The following CFAP299 variants were observed in gnomAD, a reference collection of about 807,000 sequenced individuals.
The protein encoded by CFAP299 is cilia and flagella associated protein 299.
Under a neutral mutation model 27.0 loss-of-function variants are expected in CFAP299, and 21 were observed. That is an observed-to-expected ratio of 0.78 (90% CI 0.55 to 1.12). CFAP299 has a LOEUF of 1.12. CFAP299 is among the 50% of genes most tolerant of loss of function. CFAP299 has a pLI of 0.00. For synonymous variants in CFAP299, 104 were observed against 98.1 expected, an observed-to-expected ratio of 1.06 and a Z score of -0.36; for missense variants, 310 against 276.6, an observed-to-expected ratio of 1.12 and a Z score of -0.86.
chr4:80,869,565 G>A (rs1214486758), intron 3 of CFAP299, among the ~76,000 whole-genome samples: 2 of 152,176 alleles, frequency 1.3e-5, no homozygotes, highest in African/African-American at 2.4e-5. Flanking sequence ...CCAGGCTGGA[G>A]TGCAGTGGCA....
chr4:80,336,713 A>G (rs1243499023), intron 1 of CFAP299: 1 of 152,216 alleles, frequency 6.6e-6, no homozygotes, highest in East Asian at 1.9e-4. Context: ...TTCCTAGCCA[A>G]ACTTCCCGGA....
intron 3 of CFAP299, among the ~76,000 whole-genome samples, chr4:80,793,729 T>C (rs978867648): frequency 6.6e-6 from 1 of 152,138 alleles, no homozygotes; most frequent in African/African-American, 2.4e-5. Flanking sequence ...TCACAGGATA[T>C]GGGAAAAGGG....
chr4:80,608,395 T>C (rs1411009676), intron 3 of CFAP299: 2 of 1,512,028 alleles, frequency 1.3e-6, no homozygotes, highest in South Asian at 2.4e-5. Context: ...TAAGTACTGC[T>C]TATGGAAAAG....
At chr4:80,333,119 C>T (rs1722001029), upstream of CFAP299, among the ~76,000 whole-genome samples, 1 of 152,138 alleles carries the variant, frequency 6.6e-6, no homozygotes, top group East Asian at 1.9e-4. Flanking sequence ...CTGTCAATGA[C>T]AAGGCAGGAG....
At chr4:80,644,218 G>T (rs188791768) in intron 3 of CFAP299, among the ~76,000 whole-genome samples, 1 of 152,082 alleles carries the variant, frequency 6.6e-6, no homozygotes, top group Admixed American at 6.6e-5. Flanking sequence ...TGCTTTGTGT[G>T]TGTTTTTGTA....
At chr4:80,755,163 T>C (rs1250985114) in intron 3 of CFAP299, among the ~76,000 whole-genome samples, 1 of 152,084 alleles carries the variant, frequency 6.6e-6, no homozygotes, top group Non-Finnish European at 1.5e-5. Context: ...TTCCCTATTA[T>C]TTTTGTCTGA....
intron 3 of CFAP299, among the ~76,000 whole-genome samples, chr4:80,694,309 A>T (rs1236562131): frequency 6.6e-6 from 1 of 152,230 alleles, no homozygotes; most frequent in Non-Finnish European, 1.5e-5. Context: ...TCTAAAGAAA[A>T]GCAAAAGCTC....
intron 2 of CFAP299, among the ~76,000 whole-genome samples, chr4:80,429,953 T>G (rs553151306): frequency 6.6e-6 from 1 of 150,806 alleles, no homozygotes; most frequent in South Asian, 2.1e-4. Flanking sequence ...TATTTCCAAG[T>G]TTTTTTTTAT....
rs1176795464 is a variant in CFAP299 at position 80,506,414 on chromosome 4, A to G, written c.243-76679A>G. On this transcript the variant is annotated intron_variant, in intron 2 of 5. Coordinates refer to ENST00000358105, the MANE Select transcript of CFAP299 (RefSeq NM_152770.3). ...TTGAGATAGTGCATTTGTCAGGGGG[A>G]ATCTAATTGAAGTTAGACTAGCTAC... is the stretch of plus-strand genomic sequence containing the variant. Among the ~76,000 whole-genome samples the G allele has an allele frequency of 2.0e-5, 3 of 152,076 alleles. No homozygotes were observed. In the East Asian group the frequency reaches 5.8e-4, roughly 29 times the overall value.
At chr4:80,445,237 C>A (rs1306384447) in intron 2 of CFAP299, among the ~76,000 whole-genome samples, 1 of 152,156 alleles carries the variant, frequency 6.6e-6, no homozygotes, top group Non-Finnish European at 1.5e-5. Flanking sequence ...ATGTTTATTG[C>A]AGCGCTGTTT....
intron 2 of CFAP299, among the ~76,000 whole-genome samples, chr4:80,461,194 G>A (rs977979417): frequency 2.6e-5 from 4 of 152,036 alleles, no homozygotes; most frequent in East Asian, 1.9e-4. Flanking sequence ...GGTAGCAGGC[G>A]TTAGAGCTCT....
chr4:80,787,150 G>A (rs375860304), intron 3 of CFAP299, among the ~76,000 whole-genome samples: 7 of 150,492 alleles, frequency 4.7e-5, no homozygotes, highest in African/African-American at 1.5e-4. Context: ...ACTCTCAAAA[G>A]TAGCTTAGAT....
At chr4:80,628,119 A>C (rs912073572) in intron 3 of CFAP299, among the ~76,000 whole-genome samples, 3 of 152,160 alleles carry the variant, frequency 2.0e-5, no homozygotes, top group African/African-American at 7.2e-5. Context: ...ACAGCATGGT[A>C]CTGGCATAAA....
intron 2 of CFAP299, among the ~76,000 whole-genome samples, chr4:80,388,946 G>A (rs904368300): frequency 2.6e-5 from 4 of 151,252 alleles, no homozygotes; most frequent in Non-Finnish European, 5.9e-5. Context: ...TTATTTTAAA[G>A]GGATAATGTC....
chr4:80,873,078 T>G, intron 4 of CFAP299: 2 of 880,120 alleles, frequency 2.3e-6, no homozygotes, highest in Non-Finnish European at 2.7e-6. Flanking sequence ...TTATAGGATA[T>G]TATAGTTTTG....
chr4:80,395,531 A>G (rs1053759200), intron 2 of CFAP299, among the ~76,000 whole-genome samples: 1 of 152,096 alleles, frequency 6.6e-6, no homozygotes, highest in African/African-American at 2.4e-5. Flanking sequence ...GCTGTATTTG[A>G]GGTACATTTC....
At chr4:80,474,375 A>G (rs1489109105) in intron 2 of CFAP299, among the ~76,000 whole-genome samples, 74 of 152,336 alleles carry the variant, frequency 4.9e-4, no homozygotes. Context: ...TGAACATTTA[A>G]AGGTAAGTAA....
chr4:80,736,158 T>C (rs1409019682), intron 3 of CFAP299, among the ~76,000 whole-genome samples: 2 of 152,186 alleles, frequency 1.3e-5, no homozygotes, highest in African/African-American at 2.4e-5. Flanking sequence ...TCCTTGCCCA[T>C]GCCTATGTCC....
intron 2 of CFAP299, among the ~76,000 whole-genome samples, chr4:80,540,429 TA>T (rs1733946200): frequency 6.6e-6 from 1 of 152,124 alleles, no homozygotes; most frequent in Non-Finnish European, 1.5e-5. Flanking sequence ...GTTACAAGAG[TA>T]CATTAATTCA....
Sources: allele counts gnomAD v4.1 joint callset (sites outside exome capture counted in the v4.1 genomes callset), GRCh38; gene constraint gnomAD v4.1.1; transcripts MANE v1.5; gene names NCBI Gene and HGNC (gene_info 2026-07-23, HGNC 2026-07-21).